The following IL4R variants were observed in gnomAD, a reference collection of about 807,000 sequenced individuals.
The protein encoded by IL4R is interleukin-4 receptor subunit alpha.
In IL4R, 17 loss-of-function variants were observed where a neutral mutation model predicts 41.5. The ratio of observed to expected loss-of-function variants is 0.41; its 90% confidence interval spans 0.28 to 0.61. IL4R has a LOEUF of 0.61. Ranked by LOEUF, IL4R falls within the 20% of genes least tolerant of loss-of-function variation. The pLI is 0.31. For missense variants in IL4R, 974 were observed against 1,043.1 expected (o/e 0.93, Z 0.91); for synonymous variants, 402 against 422.9 (o/e 0.95, Z 0.61).
rs574574237 is a variant in IL4R, at chr16:27,352,054, A to G, written c.514-486A>G. Reference sequence around the variant, plus strand: ...CCTCGACCCTGCCAGTCCTTTAGAAAGATCACCCAGTGCTTTTTGTATACC... The same window carrying G: ...CCTCGACCCTGCCAGTCCTTTAGAAGGATCACCCAGTGCTTTTTGTATACC... On this transcript the variant is annotated intron_variant, in intron 6 of 10. Coordinates refer to ENST00000395762, the MANE Select transcript of IL4R (RefSeq NM_000418.4). 3.3e-5 allele frequency among the ~76,000 whole-genome samples: 5 copies of G among 152,368 alleles called. No individual in the cohort carries two copies. In the East Asian group the frequency reaches 9.6e-4, roughly 29 times the overall value.
At chr16:27,340,972 G>T (rs961592403) in intron 3 of IL4R, 3 of 459,072 alleles carry the variant, frequency 6.5e-6, no homozygotes, top group Admixed American at 2.7e-5. Context: ...AGCAGCAGGA[G>T]GGAGCAGTGA....
At chr16:27,359,478 T>C (rs950756415) in intron 9 of IL4R, among the ~76,000 whole-genome samples, 10 of 152,180 alleles carry the variant, frequency 6.6e-5, no homozygotes, top group African/African-American at 2.4e-4. Flanking sequence ...CCCAAGGCGA[T>C]GGTCCTGTGG....
chr16:27,330,386 CAAA>C (rs71137792), intron 2 of IL4R, among the ~76,000 whole-genome samples, 188 bp downstream of exon 2: 2 of 123,942 alleles, frequency 1.6e-5, no homozygotes, highest in Admixed American at 8.5e-5. Flanking sequence ...GACTCCATCT[CAAA>C]AAAAAAAAAA....
At chr16:27,329,177 C>G (rs985616472) in intron 1 of IL4R, among the ~76,000 whole-genome samples, 7 of 152,074 alleles carry the variant, frequency 4.6e-5, no homozygotes, top group African/African-American at 1.7e-4. Flanking sequence ...TGTACGCCTG[C>G]TCCCCTCTTG....
chr16:27,353,870 C>T (rs896303975), intron 7 of IL4R, among the ~76,000 whole-genome samples: 1 of 152,116 alleles, frequency 6.6e-6, no homozygotes. Context: ...TAATTTCTTT[C>T]CCATCCAAGT....
Position 27,342,141 on chromosome 16 carries a change from G to A in IL4R, c.91G>A (p.Glu31Lys), listed in dbSNP as rs2085462641. 1.2e-6 allele frequency: 2 copies of A among 1,614,062 alleles called. No homozygotes were observed. The highest frequency in any genetic ancestry group is 8.5e-7 in the Non-Finnish European group (1 of 1,180,026). ...ASSGNMKVLQ[E>K]PTCVSDYMSI... ...CCCAGGGAACATGAAGGTCTTGCAG[G>A]AGCCCACCTGCGTCTCCGACTACAT... is the stretch of plus-strand genomic sequence containing the variant. Residue 31 changes from glutamate to lysine, a missense_variant, in exon 4 of 11, where the codon GAG becomes AAG. Around this residue, in one of 3 missense-constraint regions of IL4R, gnomAD observed 284 missense variants for 313.4 expected, o/e 0.91. Transcript: ENST00000395762.
chr16:27,343,064 G>C (rs112512642), intron 4 of IL4R, among the ~76,000 whole-genome samples: 4 of 152,322 alleles, frequency 2.6e-5, no homozygotes, highest in African/African-American at 9.6e-5. Flanking sequence ...GATGGACCAG[G>C]ACACATGGCA....
intron 1 of IL4R, among the ~76,000 whole-genome samples, chr16:27,314,505 A>G (rs2084573234): frequency 1.3e-5 from 2 of 152,224 alleles, no homozygotes; most frequent in African/African-American, 4.8e-5. Context: ...AATAATCGCG[A>G]TCATTGACTG....
intron 1 of IL4R, among the ~76,000 whole-genome samples, chr16:27,328,433 T>G (rs1173320897): frequency 6.6e-6 from 1 of 151,980 alleles, no homozygotes; most frequent in East Asian, 1.9e-4. Context: ...TGTATTTTTG[T>G]AGAGATGTGG....
At position 27,327,794 on chromosome 16, in the gene IL4R, G is replaced by A. The variant is rs147484604; in HGVS notation, c.-151-2272G>A. 5.9e-3 allele frequency among the ~76,000 whole-genome samples: 900 copies of A among 152,198 alleles called. 12 individuals carry two copies. Among genetic ancestry groups the A allele is most frequent in the African/African-American group, 0.021 (855 of 41,528 alleles). On this transcript the variant is annotated intron_variant, in intron 1 of 10. Transcript: ENST00000395762. ...GAATGTTAATGGCACCTACCTCATA[G>A]GGTCGTTGGGAGAACCAAATTGATT...
chr16:27,355,651 G>C (rs56110971), intron 7 of IL4R, 157 bp from the exon 8 acceptor site: 365 of 586,656 alleles, frequency 6.2e-4, no homozygotes, highest in Admixed American at 1.4e-3. Flanking sequence ...ATGTGCAAGA[G>C]GGAGAGTGGT....
chr16:27,321,798 G>T (rs1356215359), intron 1 of IL4R, among the ~76,000 whole-genome samples: 1 of 152,000 alleles, frequency 6.6e-6, no homozygotes, highest in African/African-American at 2.4e-5. Flanking sequence ...TTCCCTTTTG[G>T]TTCCCATTTT....
intron 6 of IL4R, among the ~76,000 whole-genome samples, chr16:27,348,305 TG>T (rs2085734173): frequency 6.6e-6 from 1 of 152,016 alleles, no homozygotes; most frequent in South Asian, 2.1e-4. Context: ...GGGCAAGTTT[TG>T]TTTGGTCAAT....
At chr16:27,315,436 A>G (rs1032924562) in intron 1 of IL4R, 1 of 152,466 alleles carries the variant, frequency 6.6e-6, no homozygotes, top group Non-Finnish European at 1.5e-5. Flanking sequence ...CCCCCTCTGC[A>G]GGAAGACAGA....
Position 27,362,452 on chromosome 16 carries a change from C to T in IL4R, c.1100C>T (p.Ala367Val). The change falls in exon 11 of 11, where the codon GCC becomes GTC. Residue 367 changes from alanine (A) to valine (V), a missense_variant. Around this residue, in one of 3 missense-constraint regions of IL4R, gnomAD observed 682 missense variants for 704.3 expected, o/e 0.97. Transcript: ENST00000395762. ...SVVRCVELFE[A>V]PVECEEEEEV... The stretch of plus-strand genomic sequence containing the variant: ...GTGCGATGTGTGGAGTTGTTTGAGG[C>T]CCCGGTGGAGTGTGAGGAGGAGGAG... 3 of 1,614,014 alleles carry T rather than the reference C, an allele frequency of 1.9e-6. No homozygotes were observed. Among genetic ancestry groups the T allele is most frequent in the Non-Finnish European group, 2.5e-6 (3 of 1,179,994 alleles).
intron 1 of IL4R, among the ~76,000 whole-genome samples, chr16:27,329,069 T>G (rs575493051): frequency 8.5e-5 from 13 of 152,206 alleles, no homozygotes; most frequent in African/African-American, 3.1e-4. Flanking sequence ...CCCTCATGGT[T>G]TGGTTCTGTC....
At chr16:27,356,105 T>G (rs1385903267) in intron 8 of IL4R, among the ~76,000 whole-genome samples, 198 bp downstream of exon 8, 1 of 149,396 alleles carries the variant, frequency 6.7e-6, no homozygotes, top group Non-Finnish European at 1.5e-5. Context: ...TTTTTTTTTT[T>G]TTTTGAGACG....
chr16:27,340,259 A>G lies in IL4R; in HGVS notation c.56A>G (p.Gln19Arg). 1 of 1,613,876 alleles carries G rather than the reference A, an allele frequency of 6.2e-7. No homozygotes were observed. The highest frequency in any genetic ancestry group is 1.1e-5 in the South Asian group (1 of 91,042). Residue 19 changes from glutamine to arginine, a missense_variant, in exon 3 of 11, where the codon CAG becomes CGG. By Grantham distance (43) the Gln-to-Arg change is conservative. Transcript: ENST00000395762. The stretch of plus-strand genomic sequence containing the variant: ...CCTGTGAGCTGCCTGGTCCTGCTGC[A>G]GGTGGCAAGCTCTGGTAAGTCACCA... The part of the protein sequence containing the change: ...LFPVSCLVLL[Q>R]VASSGNMKVL...
intron 1 of IL4R, chr16:27,315,680 C>G (rs1353900575): frequency 1.3e-5 from 2 of 152,492 alleles, no homozygotes; most frequent in Non-Finnish European, 2.9e-5. Context: ...AGGGAGTAAG[C>G]AGAAGCCAGA....
Sources: allele counts gnomAD v4.1 joint callset (sites outside exome capture counted in the v4.1 genomes callset), GRCh38; gene constraint gnomAD v4.1.1; regional missense constraint gnomAD v4.1.1; transcripts MANE v1.5; gene names NCBI Gene and HGNC (gene_info 2026-07-23, HGNC 2026-07-21).